The following TMIE variants were observed in gnomAD, a reference collection of about 807,000 sequenced individuals.
TMIE encodes the protein transmembrane inner ear expressed protein.
TMIE carries 14 observed loss-of-function variants against 16.8 expected under a neutral mutation model. That is an observed-to-expected ratio of 0.83 (90% CI 0.55 to 1.30). TMIE has a LOEUF of 1.30. Among genes scored for constraint, TMIE ranks in the 50% most tolerant of loss-of-function variants. TMIE has a pLI of 0.00. For missense variants in TMIE, 204 were observed against 205.9 expected, an observed-to-expected ratio of 0.99 and a Z score of 0.06; for synonymous variants, 75 against 87.2, an observed-to-expected ratio of 0.86 and a Z score of 0.78.
rs1700601832 is a variant in TMIE at position 46,710,026 on chromosome 3, G to A, written c.*338G>A. The A allele has an allele frequency of 9.8e-6, 4 of 406,606 alleles. No individual in the cohort carries two copies. Among genetic ancestry groups the A allele is most frequent in the South Asian group, 4.2e-5 (2 of 47,168 alleles). The allele number at this position is 406,606 out of a possible 1,614,324, so 25.2% of individuals were successfully genotyped here. A position where few individuals can be genotyped will look rare whatever the true frequency, so the allele number is the denominator to read the frequency against. ...CTTTCTGCCAGGGATGGCAGTGGCT[G>A]TGAAGGAGTAATGGGATATGGGGTT... On this transcript the variant is annotated 3_prime_UTR_variant, in exon 4 of 4. Transcript: ENST00000643606.
At chr3:46,703,758 G>C (rs971277657) in intron 1 of TMIE, among the ~76,000 whole-genome samples, 1 of 152,172 alleles carries the variant, frequency 6.6e-6, no homozygotes, top group South Asian at 2.1e-4. Flanking sequence ...CCACGCTGAA[G>C]GGTGGCATTC....
chr3:46,697,339 C>T (rs1457687040), upstream of TMIE, among the ~76,000 whole-genome samples: 1 of 152,162 alleles, frequency 6.6e-6, no homozygotes, highest in Non-Finnish European at 1.5e-5. Context: ...AGTCTTAAGA[C>T]CCTCCCCAGA....
At chr3:46,706,924 C>A (rs952519970) in intron 2 of TMIE, among the ~76,000 whole-genome samples, 3 of 152,194 alleles carry the variant, frequency 2.0e-5, no homozygotes, top group African/African-American at 7.2e-5. Flanking sequence ...GGGTGGCCCA[C>A]AGAGAGCCCA....
chr3:46,700,126 C>A (rs1393192268), upstream of TMIE, among the ~76,000 whole-genome samples: 1 of 152,226 alleles, frequency 6.6e-6, no homozygotes, highest in Admixed American at 6.5e-5. Context: ...TTCCTGTTTG[C>A]CTGGCCAGGG....
intron 1 of TMIE, among the ~76,000 whole-genome samples, chr3:46,695,694 T>C (rs1040362035): frequency 6.6e-6 from 1 of 152,206 alleles, no homozygotes; most frequent in Non-Finnish European, 1.5e-5. Flanking sequence ...GGCCTCACTT[T>C]CATCATCTGC....
chr3:46,709,796 G>T lies in TMIE; in HGVS notation c.*108G>T. On this transcript the variant is annotated 3_prime_UTR_variant, in exon 4 of 4. Coordinates refer to ENST00000643606, the MANE Select transcript of TMIE (RefSeq NM_147196.3). ...TTGGGGACCACAGAGGCTGTGGTCA[G>T]AGAGGGAAGCTGAGGCCCATGGCCA... is the stretch of plus-strand genomic sequence containing the variant. 1.3e-6 allele frequency: 2 copies of T among 1,579,760 alleles called. No homozygotes were observed. The highest frequency in any genetic ancestry group is 3.8e-5 in the Admixed American group (2 of 52,842).
chr3:46,709,382 C>A, intron 3 of TMIE, 107 bp downstream of exon 3: 1 of 1,598,946 alleles, frequency 6.3e-7, no homozygotes, highest in Admixed American at 1.7e-5. Context: ...CAGGGAGGGG[C>A]CCCAGCCCTG....
At chr3:46,700,047 G>A (rs1448318630), upstream of TMIE, among the ~76,000 whole-genome samples, 5 of 152,244 alleles carry the variant, frequency 3.3e-5, no homozygotes, top group Non-Finnish European at 7.3e-5. Context: ...CCCTAGCCTG[G>A]CCTGTGACCA....
In TMIE at chr3:46,709,957, G is replaced by T; in HGVS notation, c.*269G>T. On this transcript the variant is annotated 3_prime_UTR_variant, in exon 4 of 4. Transcript: ENST00000643606. ...GGTGGTCTGGTGCCACCGTCCCTCT[G>T]CAGATACACTGCTCTCCCCACCCAG... The T allele has an allele frequency of 1.9e-6, 1 of 522,154 alleles. No homozygotes were observed. 32.3% of individuals were successfully genotyped at this position (522,154 alleles called of 1,614,324 possible). A position where few individuals can be genotyped will look rare whatever the true frequency, so the allele number is the denominator to read the frequency against.
upstream of TMIE, chr3:46,701,354 CGAG>C: frequency 4.6e-6 from 3 of 646,648 alleles, no homozygotes; most frequent in South Asian, 7.3e-5. This position sits in a 1 kb window ranked among gnomAD's most constrained non-coding sequence, Gnocchi z 4.3. Context: ...AACCTGACAC[CGAG>C]GATGAATAAA....
At chr3:46,704,694 GCACGTCCACTAGACACCCAGGGTGGAC>G in intron 1 of TMIE, among the ~76,000 whole-genome samples, 1 of 131,610 alleles carries the variant, frequency 7.6e-6, no homozygotes, top group Non-Finnish European at 1.6e-5. Context: ...CCAGGGTGAA[GCACGTCCACTAGACACCCAGGGTGGAC>G]CATGTCCCCT....
chr3:46,704,340 C>T lies in TMIE; in HGVS notation c.94-1450C>T, dbSNP rs139599185. Among the ~76,000 whole-genome samples, 1,157 of 146,238 alleles carry T rather than the reference C, an allele frequency of 7.9e-3. 6 individuals are homozygous for T. Among genetic ancestry groups the T allele is most frequent in the Admixed American group, 0.013 (197 of 14,688 alleles). ...TGTCCCTAGACACCCAGGGCAGGAACATGTCCCCTAGACACCCAAGGTGGA... is the reference window on the plus strand; with the variant it reads ...TGTCCCTAGACACCCAGGGCAGGAATATGTCCCCTAGACACCCAAGGTGGA... On this transcript the variant is annotated intron_variant, in intron 1 of 3. Transcript: ENST00000643606.
chr3:46,709,439 A>G, intron 3 of TMIE, 140 bp from the exon 4 acceptor site: 1 of 1,604,858 alleles, frequency 6.2e-7, no homozygotes, highest in African/African-American at 1.3e-5. Context: ...AGGCAAATAG[A>G]ACGATGAGCC....
chr3:46,703,469 ACCATCAGGGC>A (rs1312823643), intron 1 of TMIE, among the ~76,000 whole-genome samples: 1 of 152,154 alleles, frequency 6.6e-6, no homozygotes, highest in African/African-American at 2.4e-5. Context: ...GGCAGCTGCC[ACCATCAGGGC>A]CCTAACCCTA....
rs1014547121 is a variant in TMIE at position 46,709,730 on chromosome 3, A to C, written c.*42A>C. ...TTGGGCTGGCGGGCCCTGGAGCTCA[A>C]GCCGTGGCCGGGGTCCAGGCATGTT... On this transcript the variant is annotated 3_prime_UTR_variant, in exon 4 of 4. Transcript: ENST00000643606. 6.2e-7 allele frequency: 1 copy of C among 1,612,692 alleles called. No homozygotes were observed. Among genetic ancestry groups the C allele is most frequent in the Non-Finnish European group, 8.5e-7 (1 of 1,179,522 alleles).
intron 1 of TMIE, among the ~76,000 whole-genome samples, chr3:46,702,034 A>G (rs1255485677): frequency 6.6e-6 from 1 of 152,120 alleles, no homozygotes; most frequent in Non-Finnish European, 1.5e-5. Context: ...CTATCTCCAG[A>G]GATGTTCCAG....
chr3:46,708,000 C>T (rs1211696321), intron 2 of TMIE, among the ~76,000 whole-genome samples: 2 of 152,204 alleles, frequency 1.3e-5, no homozygotes, highest in African/African-American at 2.4e-5. Flanking sequence ...CCTGGACAGT[C>T]GGATCTATAG....
At chr3:46,700,586 C>T (rs1312119857), upstream of TMIE, among the ~76,000 whole-genome samples, 1 of 152,152 alleles carries the variant, frequency 6.6e-6, no homozygotes, top group African/African-American at 2.4e-5. Context: ...CAACTCCAGG[C>T]CTCCCCACTC....
At chr3:46,699,058 T>TTA (rs1455836035), upstream of TMIE, among the ~76,000 whole-genome samples, 1 of 107,708 alleles carries the variant, frequency 9.3e-6, no homozygotes, top group Non-Finnish European at 2.0e-5. Flanking sequence ...ATGGTGTTTC[T>TTA]TATTTTTTTT....
Sources: allele counts gnomAD v4.1 joint callset (sites outside exome capture counted in the v4.1 genomes callset), GRCh38; gene constraint gnomAD v4.1.1; non-coding constraint Gnocchi (gnomAD v3.1); transcripts MANE v1.5; gene names NCBI Gene and HGNC (gene_info 2026-07-23, HGNC 2026-07-21).